COQ8A: variants seen among roughly 807,000 people sequenced by gnomAD.
The protein encoded by COQ8A is atypical kinase COQ8A, mitochondrial.
A neutral mutation model predicts 65.0 loss-of-function variants in COQ8A; 51 were observed. The observed-to-expected ratio is 0.78, with a 90% CI of 0.63 to 0.99. COQ8A has a LOEUF of 0.99. Among genes scored for constraint, COQ8A ranks in the 50% least tolerant of loss-of-function variants. The pLI, the probability that COQ8A is intolerant of heterozygous loss-of-function variation, is 0.00. For missense variants in COQ8A, 940 were observed against 875.0 expected, an observed-to-expected ratio of 1.07 and a Z score of -0.94; for synonymous variants, 371 against 353.2, an observed-to-expected ratio of 1.05 and a Z score of -0.57.
At chr1:226,976,295 C>T (rs1659214499) in intron 4 of COQ8A, among the ~76,000 whole-genome samples, 1 of 150,420 alleles carries the variant, frequency 6.6e-6, no homozygotes, top group African/African-American at 2.5e-5. Context: ...TGCGGGACTG[C>T]GGGGCTGTGG....
At chr1:226,985,085 A>T (rs1280261467) in intron 13 of COQ8A, 144 bp downstream of exon 13, 28 of 1,291,664 alleles carry the variant, frequency 2.2e-5, no homozygotes, top group Non-Finnish European at 3.0e-5. Flanking sequence ...TGGTGACAGC[A>T]GGCAGTTAGG....
chr1:226,983,267 G>C, intron 8 of COQ8A: 3 of 702,416 alleles, frequency 4.3e-6, no homozygotes, highest in South Asian at 3.8e-5. Flanking sequence ...CTTGATTTGG[G>C]GTGGGCAAGG....
chr1:226,985,289 TGTGCGGGC>T lies in COQ8A; in HGVS notation c.1610_1617del (p.Val537GlufsTer34). On this transcript the variant is annotated frameshift_variant, in exon 14 of 15. Transcript: ENST00000366777. LOFTEE classifies it high-confidence loss of function. Reference sequence around the variant, plus strand: ...CTGCTGCCGACAGGGACAGGGAGACTGTGCGGGCGAAATCCATAGAGATGAAGTTCCTC... The same window carrying T: ...CTGCTGCCGACAGGGACAGGGAGACTGAAATCCATAGAGATGAAGTTCCTC... 6.2e-7 allele frequency: 1 copy of T among 1,613,834 alleles called. No individual in the cohort carries two copies.
intron 5 of COQ8A, among the ~76,000 whole-genome samples, chr1:226,978,961 C>T (rs1240308825): frequency 6.6e-6 from 1 of 151,512 alleles, no homozygotes; most frequent in Non-Finnish European, 1.5e-5. Flanking sequence ...TTACCCTCCA[C>T]ACACCCGCAC....
At chr1:226,975,650 C>T (rs1425445573) in intron 4 of COQ8A, among the ~76,000 whole-genome samples, 1 of 152,164 alleles carries the variant, frequency 6.6e-6, no homozygotes, top group African/African-American at 2.4e-5. Context: ...TTGTTCTGCG[C>T]CGGCCCAGCC....
In COQ8A at chr1:226,980,895, C is replaced by T. The variant is rs772298432; in HGVS notation, c.731-1132C>T. On this transcript the variant is annotated intron_variant, in intron 5 of 14. Coordinates refer to ENST00000366777, the MANE Select transcript of COQ8A (RefSeq NM_020247.5). ...TCAGGGGCCAGGCTGCACCCGGCTC[C>T]GGGGCAGAGGGCAGTGGCACGGTCA... Among the ~76,000 whole-genome samples the T allele has an allele frequency of 4.6e-5, 7 of 152,020 alleles. 1 individual carries two copies. Among genetic ancestry groups the T allele is most frequent in the Non-Finnish European group, 7.4e-5 (5 of 67,980 alleles).
chr1:226,983,072 G>C, intron 8 of COQ8A, 38 bp downstream of exon 8: 1 of 1,557,678 alleles, frequency 6.4e-7, no homozygotes, highest in Non-Finnish European at 8.7e-7. Flanking sequence ...CCCTATGGGG[G>C]CTGCAAGGGG....
At chr1:226,960,911 C>A (rs1658210316) in intron 1 of COQ8A, among the ~76,000 whole-genome samples, 1 of 152,190 alleles carries the variant, frequency 6.6e-6, no homozygotes, top group African/African-American at 2.4e-5. Context: ...GTTGGAGCAC[C>A]AATGCCGTGA....
intron 1 of COQ8A, among the ~76,000 whole-genome samples, chr1:226,947,360 G>A (rs1657104191): frequency 6.6e-6 from 1 of 152,104 alleles, no homozygotes; most frequent in South Asian, 2.1e-4. Context: ...ATCAATGAGT[G>A]GGGATAATAC....
At chr1:226,973,997 T>G (rs1261613742) in intron 4 of COQ8A, among the ~76,000 whole-genome samples, 1 of 152,262 alleles carries the variant, frequency 6.6e-6, no homozygotes, top group Non-Finnish European at 1.5e-5. Flanking sequence ...ACCCCTGCCC[T>G]TAAGCACTTT....
At position 226,946,984 on chromosome 1, in the gene COQ8A, G is replaced by A. The variant is rs1381271329; in HGVS notation, c.-10+6585G>A. 6.6e-6 allele frequency among the ~76,000 whole-genome samples: 1 copy of A among 152,230 alleles called. No homozygotes were observed. Among genetic ancestry groups the A allele is most frequent in the Non-Finnish European group, 1.5e-5 (1 of 68,032 alleles). ...ACCAAGCTTTGCCTCTAGTGGGTAG[G>A]ATCACTGGTGCTGAGAATTGTGATA... On this transcript the variant is annotated intron_variant, in intron 1 of 14. Transcript: ENST00000366777. This position sits in a 1 kb window ranked among gnomAD's most constrained non-coding sequence, Gnocchi z 5.3.
In COQ8A at chr1:226,984,883, T is replaced by A; in HGVS notation, c.1514T>A (p.Leu505His). The A allele has an allele frequency of 6.2e-7, 1 of 1,614,174 alleles. No homozygotes were observed. The highest frequency in any genetic ancestry group is 8.5e-7 in the Non-Finnish European group (1 of 1,180,036). ...TGGTGTCTCTGTCCCCAGGTGGCTC[T>A]TTTGGATTTTGGGGCAACGCGGGAA... ...FYDPQQHKVALLDFGATREYD... is the reference protein window; with the variant it reads ...FYDPQQHKVAHLDFGATREYD... Residue 505 changes from leucine to histidine, a missense_variant, in exon 13 of 15, where the codon CTT (leucine) becomes CAT (histidine). Transcript: ENST00000366777.
In COQ8A at chr1:226,982,115, G is replaced by A. The variant is rs371866536; in HGVS notation, c.819G>A (p.Ala273=). The change falls in exon 6 of 15, where the codon GCG becomes GCA. Residue 273 remains alanine, a synonymous_variant. Coordinates refer to ENST00000366777, the MANE Select transcript of COQ8A (RefSeq NM_020247.5). ...IVRTLCKVRG[A]ALKLGQMLSI... Reference sequence around the variant, plus strand: ...GCACGCTCTGCAAGGTGCGTGGTGCGGCACTCAAGCTGGGCCAGATGCTGA... The same window carrying A: ...GCACGCTCTGCAAGGTGCGTGGTGCAGCACTCAAGCTGGGCCAGATGCTGA... The A allele has an allele frequency of 5.3e-5, 85 of 1,607,652 alleles. No homozygotes were observed. Among genetic ancestry groups the A allele is most frequent in the Non-Finnish European group, 7.1e-5 (84 of 1,177,892 alleles).
chr1:226,971,237 G>A (rs1055725460), intron 4 of COQ8A, among the ~76,000 whole-genome samples: 9 of 149,010 alleles, frequency 6.0e-5, no homozygotes, highest in Non-Finnish European at 1.0e-4. Context: ...CACCACACCC[G>A]ACCTAGTTTT....
intron 1 of COQ8A, among the ~76,000 whole-genome samples, chr1:226,948,236 C>T (rs377410640): frequency 1.3e-5 from 2 of 152,330 alleles, no homozygotes; most frequent in East Asian, 3.9e-4. Flanking sequence ...CCTTTTCCAG[C>T]CTAGAGGCTG....
intron 4 of COQ8A, among the ~76,000 whole-genome samples, chr1:226,977,150 G>C (rs1183107155): frequency 6.6e-6 from 1 of 152,180 alleles, no homozygotes. Flanking sequence ...GTGCTTCCCA[G>C]CTGGCATTAC....
chr1:226,976,267 G>A (rs531257095), intron 4 of COQ8A, among the ~76,000 whole-genome samples: 4 of 149,148 alleles, frequency 2.7e-5, no homozygotes, highest in African/African-American at 9.9e-5. Flanking sequence ...ATGTTGCCTG[G>A]CTGCGGGGCT....
intron 1 of COQ8A, among the ~76,000 whole-genome samples, chr1:226,950,298 G>A (rs1293535847): frequency 1.3e-5 from 2 of 152,168 alleles, no homozygotes; most frequent in Non-Finnish European, 2.9e-5. Flanking sequence ...TCCCAACCCA[G>A]TGCTCACCAC....
chr1:226,956,862 A>C (rs1370637776), intron 1 of COQ8A, among the ~76,000 whole-genome samples: 1 of 104,380 alleles, frequency 9.6e-6, no homozygotes, highest in Non-Finnish European at 1.8e-5. Context: ...TCCCTGGTTC[A>C]CACTCTCCCT....
Sources: gnomAD v4.1 joint callset for allele counts (sites outside exome capture counted in the v4.1 genomes callset) on GRCh38, gnomAD v4.1.1 for gene constraint, Gnocchi (gnomAD v3.1) non-coding constraint, MANE v1.5 for transcripts, NCBI Gene and HGNC (gene_info 2026-07-23, HGNC 2026-07-21) for gene names.